THSD7A: variants seen among roughly 807,000 people sequenced by gnomAD.
THSD7A encodes thrombospondin type-1 domain-containing protein 7A.
A neutral mutation model predicts 231.3 loss-of-function variants in THSD7A; 96 were observed. The ratio of observed to expected loss-of-function variants is 0.41; its 90% CI spans 0.35 to 0.49. The LOEUF (loss-of-function observed/expected upper bound fraction) is 0.49, where lower values mean the gene tolerates loss of function less well. Ranked by LOEUF, THSD7A falls within the 20% of genes least tolerant of loss-of-function variation. THSD7A has a pLI of 0.05. For missense variants in THSD7A, 2,290 were observed against 2,070.2 expected (o/e 1.11, Z -2.06); for synonymous variants, 940 against 743.3 (o/e 1.26, Z -4.30).
chr7:11,536,128 C>T (rs1413794669), intron 6 of THSD7A, among the ~76,000 whole-genome samples: 2 of 152,140 alleles, frequency 1.3e-5, no homozygotes, highest in African/African-American at 4.8e-5. Context: ...TTCTGAAGCT[C>T]CTTTCTGCAT....
intron 4 of THSD7A, among the ~76,000 whole-genome samples, chr7:11,544,042 T>C (rs1037226530): frequency 6.6e-6 from 1 of 151,924 alleles, no homozygotes; most frequent in African/African-American, 2.4e-5. Flanking sequence ...GCTTTTGTTT[T>C]AAAAAAAAAT....
chr7:11,775,920 T>G (rs1201664711), intron 1 of THSD7A, among the ~76,000 whole-genome samples: 1 of 152,228 alleles, frequency 6.6e-6, no homozygotes, highest in African/African-American at 2.4e-5. Context: ...CTGTGAACAT[T>G]TAAATAATGA....
intron 8 of THSD7A, among the ~76,000 whole-genome samples, chr7:11,471,897 A>G (rs995124559): frequency 6.6e-6 from 1 of 152,138 alleles, no homozygotes; most frequent in African/African-American, 2.4e-5. Flanking sequence ...CTTTTGTTCA[A>G]TAAGGCAATT....
chr7:11,644,049 A>T (rs1584136523), intron 1 of THSD7A, among the ~76,000 whole-genome samples: 1 of 9,754 alleles, frequency 1.0e-4, no homozygotes. Context: ...TCCTTTGACT[A>T]AAAAAAAAAA....
At position 11,379,628 on chromosome 7, in the gene THSD7A, A is replaced by G; in HGVS notation, c.4590+2T>C. ...TGTCTGCCCTGATGAATTTTCACATACCTCGCTACAGTACGAGTGGGGTTG... is the reference window on the plus strand; with the variant it reads ...TGTCTGCCCTGATGAATTTTCACATGCCTCGCTACAGTACGAGTGGGGTTG... On this transcript the variant is annotated splice_donor_variant, in intron 25 of 27. Coordinates refer to ENST00000423059, the MANE Select transcript of THSD7A (RefSeq NM_015204.3). LOFTEE classifies it high-confidence loss of function. 1 of 1,576,076 alleles carries G rather than the reference A, an allele frequency of 6.3e-7. No homozygotes were observed. The highest frequency in any genetic ancestry group is 8.6e-7 in the Non-Finnish European group (1 of 1,159,918).
Position 11,373,963 on chromosome 7 carries a change from G to GAGTT in THSD7A, c.*1827_*1830dup, listed in dbSNP as rs140586462. The GAGTT allele has an allele frequency of 9.2e-5, 14 of 152,092 alleles. No individual in the cohort carries two copies. Among genetic ancestry groups the GAGTT allele is most frequent in the South Asian group, 4.1e-4 (2 of 4,826 alleles). The allele number at this position is 152,092 out of a possible 1,614,324, so 9.4% of individuals were successfully genotyped here. On this transcript the variant is annotated 3_prime_UTR_variant, in exon 28 of 28. Transcript: ENST00000423059. The stretch of plus-strand genomic sequence containing the variant: ...TCTTTTCATTTGCAAGAAGTCTGCT[G>GAGTT]AGTTAGTTAAATATTGTTCCACTGT...
chr7:11,630,326 A>T (rs1455584394), intron 2 of THSD7A, among the ~76,000 whole-genome samples: 2 of 152,240 alleles, frequency 1.3e-5, no homozygotes, highest in Admixed American at 6.5e-5. Flanking sequence ...GAAAACAAAA[A>T]TCAGAAATCC....
rs189459631 is a variant in THSD7A at position 11,798,811 on chromosome 7, C to T, written c.190+32946G>A. ...CATTCATATTTTTTAGAAAACAGTA[C>T]TCTATAAAGGTGGGCTACTAAACAT... On this transcript the variant is annotated intron_variant, in intron 1 of 27. Coordinates refer to ENST00000423059, the MANE Select transcript of THSD7A (RefSeq NM_015204.3). Among the ~76,000 whole-genome samples the T allele has an allele frequency of 1.6e-3, 236 of 152,194 alleles. 1 individual carries two copies. The highest frequency in any genetic ancestry group is 5.4e-3 in the African/African-American group (225 of 41,538).
At chr7:11,589,614 T>C (rs1246974843) in intron 4 of THSD7A, among the ~76,000 whole-genome samples, 1 of 152,172 alleles carries the variant, frequency 6.6e-6, no homozygotes, top group African/African-American at 2.4e-5. Context: ...GGTATTTCTA[T>C]CCTCACTCTC....
At chr7:11,717,410 T>C (rs75088527) in intron 1 of THSD7A, among the ~76,000 whole-genome samples, 237 of 151,786 alleles carry the variant, frequency 1.6e-3, no homozygotes, top group African/African-American at 5.5e-3. Context: ...GGACTTCCAT[T>C]ATAAGTGCAT....
intron 18 of THSD7A, among the ~76,000 whole-genome samples, chr7:11,412,203 T>C (rs1041294261): frequency 3.4e-4 from 52 of 152,220 alleles, no homozygotes; most frequent in African/African-American, 1.2e-3. Context: ...TTTTATAGCA[T>C]TGATTTATAA....
At chr7:11,745,698 G>A (rs2030352814) in intron 1 of THSD7A, among the ~76,000 whole-genome samples, 1 of 152,088 alleles carries the variant, frequency 6.6e-6, no homozygotes, top group African/African-American at 2.4e-5. Flanking sequence ...TTATTAAATA[G>A]GGAATCCTTT....
At chr7:11,819,947 C>T (rs915022210) in intron 1 of THSD7A, among the ~76,000 whole-genome samples, 1 of 152,166 alleles carries the variant, frequency 6.6e-6, no homozygotes, top group African/African-American at 2.4e-5. Context: ...TTCTGCTTAA[C>T]TTTCTGTAAG....
chr7:11,767,876 G>C (rs1365654669), intron 1 of THSD7A, among the ~76,000 whole-genome samples: 1 of 152,108 alleles, frequency 6.6e-6, no homozygotes, highest in Non-Finnish European at 1.5e-5. Context: ...ATCAGTCAGG[G>C]AGAACATTCA....
intron 1 of THSD7A, among the ~76,000 whole-genome samples, chr7:11,764,307 C>T (rs974680094): frequency 6.6e-6 from 1 of 152,098 alleles, no homozygotes; most frequent in African/African-American, 2.4e-5. Context: ...AAAGACCGGG[C>T]ATGGTGGCTC....
intron 1 of THSD7A, among the ~76,000 whole-genome samples, chr7:11,734,313 C>G (rs958136997): frequency 6.6e-6 from 1 of 151,886 alleles, no homozygotes; most frequent in Non-Finnish European, 1.5e-5. Context: ...ATCATTGGAA[C>G]AAAAATTTCC....
chr7:11,677,302 A>G (rs1783679617), intron 1 of THSD7A, among the ~76,000 whole-genome samples: 1 of 152,106 alleles, frequency 6.6e-6, no homozygotes, highest in Admixed American at 6.6e-5. Flanking sequence ...GGTACCAGCC[A>G]CTGCAAAAAC....
chr7:11,421,132 A>G (rs890730327), intron 16 of THSD7A, among the ~76,000 whole-genome samples: 6 of 152,144 alleles, frequency 3.9e-5, no homozygotes, highest in African/African-American at 1.4e-4. Flanking sequence ...GTATGGTTGT[A>G]TTTTGAAATA....
intron 6 of THSD7A, among the ~76,000 whole-genome samples, chr7:11,490,505 C>T (rs1469259808): frequency 6.6e-6 from 1 of 152,078 alleles, no homozygotes; most frequent in Non-Finnish European, 1.5e-5. Context: ...ACATGAGACT[C>T]ATGACTTCTG....
Sources: gnomAD v4.1 joint callset for allele counts (sites outside exome capture counted in the v4.1 genomes callset) on GRCh38, gnomAD v4.1.1 for gene constraint, MANE v1.5 for transcripts, NCBI Gene and HGNC (gene_info 2026-07-23, HGNC 2026-07-21) for gene names.